The following ZMYM1 variants were observed in gnomAD, a reference collection of about 807,000 sequenced individuals.
The protein encoded by ZMYM1 is zinc finger MYM-type protein 1.
ZMYM1 carries 39 observed loss-of-function variants against 60.0 expected under a neutral mutation model. That is an observed-to-expected ratio of 0.65 (90% confidence interval 0.50 to 0.85). ZMYM1 has a LOEUF of 0.85. Ranked by LOEUF, ZMYM1 falls within the 40% of genes least tolerant of loss-of-function variation. The probability of loss-of-function intolerance (pLI) is 0.00; values close to 1 mark genes in which losing one functional copy is unlikely to be tolerated. For missense variants in ZMYM1, 1,171 were observed against 1,309.5 expected, an observed-to-expected ratio of 0.89 and a Z score of 1.63; for synonymous variants, 413 against 454.0, an observed-to-expected ratio of 0.91 and a Z score of 1.15.
upstream of ZMYM1, among the ~76,000 whole-genome samples, chr1:35,075,106 T>C (rs966752310): frequency 6.6e-5 from 10 of 152,168 alleles, no homozygotes; most frequent in African/African-American, 2.4e-4. Flanking sequence ...AATTGTTATA[T>C]CCTCTTGTTA....
chr1:35,086,200 CAT>C (rs1322312703), intron 1 of ZMYM1, among the ~76,000 whole-genome samples: 2 of 152,114 alleles, frequency 1.3e-5, no homozygotes, highest in Admixed American at 6.6e-5. Context: ...TTCTTCAAGT[CAT>C]ATTTATATTC....
At chr1:35,098,399 G>A (rs1382922694) in intron 4 of ZMYM1, among the ~76,000 whole-genome samples, 1 of 152,114 alleles carries the variant, frequency 6.6e-6, no homozygotes. Flanking sequence ...TTAGCACTTA[G>A]GATATGCTAA....
chr1:35,064,742 A>G (rs1234887134), intron 1 of ZMYM1, among the ~76,000 whole-genome samples: 1 of 136,042 alleles, frequency 7.4e-6, no homozygotes, highest in Non-Finnish European at 1.5e-5. Context: ...GCTGGAGTGC[A>G]GTGGCGTGAT....
At chr1:35,108,596 G>T (rs11579023) in intron 6 of ZMYM1, among the ~76,000 whole-genome samples, 105,576 of 151,798 alleles carry the variant, frequency 0.7, 41,166 homozygotes, top group Non-Finnish European at 0.9. Flanking sequence ...CAGATGATCT[G>T]CCCGCCTCGG....
chr1:35,108,542 G>A (rs1241169992), intron 6 of ZMYM1, among the ~76,000 whole-genome samples: 2 of 151,616 alleles, frequency 1.3e-5, no homozygotes, highest in South Asian at 2.1e-4. Context: ...TTGTAGAGAC[G>A]GGGTTCCACC....
chr1:35,109,892 G>A (rs754428781), intron 6 of ZMYM1, among the ~76,000 whole-genome samples: 5 of 151,970 alleles, frequency 3.3e-5, no homozygotes, highest in South Asian at 2.1e-4. Flanking sequence ...GATTACAGGC[G>A]CTCGCCACTA....
intron 4 of ZMYM1, 74 bp downstream of exon 4, chr1:35,097,640 A>G: frequency 3.2e-6 from 5 of 1,560,384 alleles, no homozygotes; most frequent in South Asian, 2.3e-5. Flanking sequence ...TGTAATTTCT[A>G]CATTTTCTTT....
intron 1 of ZMYM1, among the ~76,000 whole-genome samples, chr1:35,091,268 A>G (rs1036061766): frequency 7.9e-5 from 12 of 152,054 alleles, no homozygotes; most frequent in African/African-American, 2.2e-4. Flanking sequence ...GCTGGAGTGC[A>G]GTGGCGCGAT....
At position 35,112,567 on chromosome 1, in the gene ZMYM1, TATAA is replaced by T. The variant is rs1570041987; in HGVS notation, c.1147-406_1147-403del. Among the ~76,000 whole-genome samples, 14 of 38,880 alleles carry T rather than the reference TATAA, an allele frequency of 3.6e-4. No homozygotes were observed. The South Asian group carries it at 0.015, about 43-fold the overall frequency. The allele number at this position is 38,880 out of a possible 152,430, so 25.5% of individuals were successfully genotyped here. ...ATATATTATAATATATTGTATATAATATAAATATATTATAATGTATATTTATTAT... is the reference window on the plus strand; with the variant it reads ...ATATATTATAATATATTGTATATAATATATATTATAATGTATATTTATTAT... On this transcript the variant is annotated intron_variant, in intron 9 of 9. Transcript: ENST00000359858.
rs781186681 is a variant in ZMYM1, at chr1:35,115,203, C to T, written c.3373C>T (p.Pro1125Ser). ...EQELVNKLMEPERLNEIVEKF... is the reference protein window; with the variant it reads ...EQELVNKLMESERLNEIVEKF... The stretch of plus-strand genomic sequence containing the variant: ...GGAGTTGGTAAATAAACTAATGGAG[C>T]CTGAAAGACTCAATGAAATTGTGGA... Residue 1125 changes from proline to serine, a missense_variant, in exon 10 of 10, where the codon CCT becomes TCT. Coordinates refer to ENST00000359858, the MANE Select transcript of ZMYM1 (RefSeq NM_024772.5). The T allele has an allele frequency of 2.5e-6, 4 of 1,604,986 alleles. No individual in the cohort carries two copies. The African/African-American group carries it at 5.4e-5, about 22-fold the overall frequency.
At chr1:35,067,524 T>G (rs563653150) in intron 1 of ZMYM1, among the ~76,000 whole-genome samples, 13 of 152,156 alleles carry the variant, frequency 8.5e-5, no homozygotes, top group African/African-American at 3.1e-4. Flanking sequence ...CAAATAGGGT[T>G]GCAGTGTATA....
chr1:35,074,425 T>A (rs1642129341), upstream of ZMYM1, among the ~76,000 whole-genome samples: 1 of 152,166 alleles, frequency 6.6e-6, no homozygotes, highest in South Asian at 2.1e-4. Flanking sequence ...TTTTCTTTTT[T>A]TTTCTTTTTT....
intron 1 of ZMYM1, among the ~76,000 whole-genome samples, chr1:35,090,206 TA>T (rs1187738111): frequency 6.6e-6 from 1 of 151,960 alleles, no homozygotes. Flanking sequence ...GAGCCTGGCC[TA>T]TAAGGCTCTT....
In ZMYM1 at chr1:35,088,454, ATGTGTGTG is replaced by A. The variant is rs764350525; in HGVS notation, c.-74-5420_-74-5413del. 3.5e-3 allele frequency among the ~76,000 whole-genome samples: 371 copies of A among 107,214 alleles called. 5 individuals are homozygous for A. Among genetic ancestry groups the A allele is most frequent in the African/African-American group, 0.011 (258 of 23,478 alleles). The allele number at this position is 107,214 out of a possible 152,430, so 70.3% of individuals were successfully genotyped here. A position where few individuals can be genotyped will look rare whatever the true frequency, so the allele number is the denominator to read the frequency against. On this transcript the variant is annotated intron_variant, in intron 1 of 9. Transcript: ENST00000359858. ...TATGTGTATATATATATATATATAT[ATGTGTGTG>A]TGTGTGTGTGTGTGTGTGTGTGTGT...
chr1:35,104,553 C>T lies in ZMYM1; in HGVS notation c.595-4C>T. ...TTTTACTGAATCTTTTTATTAAATC[C>T]TAGATTCAGTATGAAGTAAAATACC... On this transcript the variant is annotated splice_region_variant and splice_polypyrimidine_tract_variant and intron_variant, in intron 5 of 9. Transcript: ENST00000359858. The T allele has an allele frequency of 6.2e-7, 1 of 1,613,762 alleles. No individual in the cohort carries two copies. The highest frequency in any genetic ancestry group is 8.5e-7 in the Non-Finnish European group (1 of 1,179,732).
At chr1:35,060,394 T>C (rs1364256009) in intron 1 of ZMYM1, among the ~76,000 whole-genome samples, 1 of 151,442 alleles carries the variant, frequency 6.6e-6, no homozygotes, top group Non-Finnish European at 1.5e-5. Flanking sequence ...TCCCGACCTC[T>C]GGTGATCGAC....
rs1356918022 is a variant in ZMYM1, at chr1:35,088,444, ATATATATATATG to A, written c.-74-5468_-74-5457del. The stretch of plus-strand genomic sequence containing the variant: ...AAAATGTGTTTATGTGTATATATAT[ATATATATATATG>A]TGTGTGTGTGTGTGTGTGTGTGTGT... On this transcript the variant is annotated intron_variant, in intron 1 of 9. Transcript: ENST00000359858. Among the ~76,000 whole-genome samples, 16 of 113,832 alleles carry A rather than the reference ATATATATATATG, an allele frequency of 1.4e-4. 1 individual carries two copies. The highest frequency in any genetic ancestry group is 5.9e-4 in the African/African-American group (16 of 27,208). 74.7% of individuals were successfully genotyped at this position (113,832 alleles called of 152,430 possible).
Position 35,097,498 on chromosome 1 carries a change from C to T in ZMYM1, c.351C>T (p.Cys117=). The change falls in exon 4 of 10, where the codon TGC becomes TGT. Residue 117 remains cysteine (C), a synonymous_variant. Transcript: ENST00000359858. ...GSAQLFCSIP[C]ITEYISSASS... is the part of the protein sequence containing the mutation. ...CTCAACTTTTCTGCTCCATACCATGCATCACTGAATACATTTCATCTGCCA... is the reference window on the plus strand; with the variant it reads ...CTCAACTTTTCTGCTCCATACCATGTATCACTGAATACATTTCATCTGCCA... 6.2e-7 allele frequency: 1 copy of T among 1,614,176 alleles called. No homozygotes were observed. The highest frequency in any genetic ancestry group is 8.5e-7 in the Non-Finnish European group (1 of 1,180,022).
rs766687673 is a variant in ZMYM1 at position 35,114,230 on chromosome 1, C to T, written c.2400C>T (p.Cys800=). The part of the protein sequence containing the change: ...NIYRLSQNKT[C]KKHISQSCWT... Reference sequence around the variant, plus strand: ...ATAGGCTAAGTCAAAACAAAACATGCAAGAAACATATATCACAATCATGTT... The same window carrying T: ...ATAGGCTAAGTCAAAACAAAACATGTAAGAAACATATATCACAATCATGTT... Residue 800 remains cysteine, a synonymous_variant, in exon 10 of 10, where the codon TGC becomes TGT. Coordinates refer to ENST00000359858, the MANE Select transcript of ZMYM1 (RefSeq NM_024772.5). The T allele has an allele frequency of 3.1e-6, 5 of 1,613,424 alleles. No individual in the cohort carries two copies. The Admixed American group carries it at 5.0e-5, about 16-fold the overall frequency.
Sources: allele counts gnomAD v4.1 joint callset (sites outside exome capture counted in the v4.1 genomes callset), GRCh38; gene constraint gnomAD v4.1.1; transcripts MANE v1.5; gene names NCBI Gene and HGNC (gene_info 2026-07-23, HGNC 2026-07-21).